YIPF7: variants seen among roughly 807,000 people sequenced by gnomAD.
YIPF7 encodes the protein protein YIPF7.
A neutral mutation model predicts 27.2 loss-of-function variants in YIPF7; 35 were observed. The ratio of observed to expected loss-of-function variants is 1.29; its 90% CI spans 0.98 to 1.70. The LOEUF is 1.70. Ranked by LOEUF, YIPF7 falls within the 40% of genes most tolerant of loss-of-function variation. The pLI is 0.00. For missense variants in YIPF7, 358 were observed against 303.7 expected (o/e 1.18, Z -1.33); for synonymous variants, 137 against 110.4 (o/e 1.24, Z -1.51).
At chr4:44,654,954 C>T (rs752490186), upstream of YIPF7, among the ~76,000 whole-genome samples, 18 of 152,026 alleles carry the variant, frequency 1.2e-4, no homozygotes, top group Non-Finnish European at 2.2e-4. Context: ...TGTAAAAATA[C>T]ACCTTTAATG....
chr4:44,649,926 T>C, intron 2 of YIPF7, 59 bp downstream of exon 2: 3 of 886,244 alleles, frequency 3.4e-6, no homozygotes, highest in Non-Finnish European at 3.5e-6. Context: ...TTTTACAATA[T>C]GTGGGTGACA....
intron 2 of YIPF7, among the ~76,000 whole-genome samples, chr4:44,647,434 C>G (rs1306347091): frequency 2.6e-5 from 4 of 152,174 alleles, no homozygotes; most frequent in Admixed American, 2.6e-4. Context: ...AGAAAAGAAA[C>G]AGAAGGTTTA....
In YIPF7 at chr4:44,649,994, C is replaced by T. The variant is rs764744886; in HGVS notation, c.107G>A (p.Gly36Glu). The T allele has an allele frequency of 6.6e-7, 1 of 1,516,710 alleles. No individual in the cohort carries two copies. Among genetic ancestry groups the T allele is most frequent in the Non-Finnish European group, 9.0e-7 (1 of 1,114,746 alleles). The allele number at this position is 1,516,710 out of a possible 1,614,324, so 94.0% of individuals were successfully genotyped here. ...NDSNAYGNLY[G>E]SRKQQAGEQP... ...AATATTAAGTACTTACTTTCTAGAT[C>T]CATAAAGATTTCCATAGGCATTAGA... The change falls in exon 2 of 6, where the codon GGA (glycine) becomes GAA (glutamate). Residue 36 changes from glycine (G) to glutamate (E), a missense_variant. Gly to Glu is a moderately conservative substitution (Grantham distance 98). Coordinates refer to ENST00000415895, the MANE Select transcript of YIPF7 (RefSeq NM_182592.3).
upstream of YIPF7, among the ~76,000 whole-genome samples, chr4:44,656,021 CT>C (rs375309309): frequency 3.3e-5 from 5 of 151,378 alleles, no homozygotes; most frequent in South Asian, 2.1e-4. Flanking sequence ...TGAATTTCCA[CT>C]TTTTTTTTCC....
chr4:44,650,368 T>C (rs1713686293), intron 1 of YIPF7, among the ~76,000 whole-genome samples: 1 of 152,226 alleles, frequency 6.6e-6, no homozygotes, highest in African/African-American at 2.4e-5. Flanking sequence ...TTAATTCATC[T>C]GAAAGAACTA....
At chr4:44,641,288 C>T (rs1275118419) in intron 2 of YIPF7, among the ~76,000 whole-genome samples, 1 of 152,034 alleles carries the variant, frequency 6.6e-6, no homozygotes, top group South Asian at 2.1e-4. Context: ...TGTCTACACA[C>T]CATTTTGCTT....
intron 2 of YIPF7, among the ~76,000 whole-genome samples, chr4:44,641,171 C>T (rs982095300): frequency 6.6e-6 from 1 of 152,070 alleles, no homozygotes; most frequent in South Asian, 2.1e-4. Context: ...CTGGTCTTGG[C>T]CATGTATGCT....
chr4:44,624,099 CTT>C (rs1417074778), intron 5 of YIPF7, among the ~76,000 whole-genome samples: 1 of 139,520 alleles, frequency 7.2e-6, no homozygotes, highest in East Asian at 2.1e-4. Context: ...GAGTTTCACT[CTT>C]GTTGCCCAGG....
intron 3 of YIPF7, among the ~76,000 whole-genome samples, chr4:44,633,615 A>C (rs971090014): frequency 6.6e-6 from 1 of 152,184 alleles, no homozygotes; most frequent in Non-Finnish European, 1.5e-5. Context: ...GAACAATTGG[A>C]AAGAAATGTT....
In YIPF7 at chr4:44,627,617, T is replaced by C. The variant is rs556759407; in HGVS notation, c.426+1786A>G. On this transcript the variant is annotated intron_variant, in intron 4 of 5. Coordinates refer to ENST00000415895, the MANE Select transcript of YIPF7 (RefSeq NM_182592.3). Reference sequence around the variant, plus strand: ...GAGTCCTTTTTGCTTTATATCAGAATCAATTTGGAAGTTATCACATCTAAT... The same window carrying C: ...GAGTCCTTTTTGCTTTATATCAGAACCAATTTGGAAGTTATCACATCTAAT... 5.3e-5 allele frequency among the ~76,000 whole-genome samples: 8 copies of C among 152,318 alleles called. No individual in the cohort carries two copies. In the East Asian group the frequency reaches 1.5e-3, roughly 29 times the overall value.
In YIPF7 at chr4:44,622,337, C is replaced by T. The variant is rs1712469262; in HGVS notation, c.*77G>A. On this transcript the variant is annotated 3_prime_UTR_variant, in exon 6 of 6. Coordinates refer to ENST00000415895, the MANE Select transcript of YIPF7 (RefSeq NM_182592.3). ...AAGCAATAAAACAGAAATCATATCA[C>T]CAAATTTGAATGTTAATATATTTCC... 52 of 1,482,448 alleles carry T rather than the reference C, an allele frequency of 3.5e-5. 1 individual carries two copies. The South Asian group carries it at 3.5e-4, about 10-fold the overall frequency. The allele number at this position is 1,482,448 out of a possible 1,614,324, so 91.8% of individuals were successfully genotyped here.
intron 3 of YIPF7, among the ~76,000 whole-genome samples, chr4:44,632,900 C>T (rs1712964804): frequency 2.0e-5 from 3 of 152,212 alleles, no homozygotes; most frequent in Middle Eastern, 3.4e-3. Flanking sequence ...ATCCCCGGGC[C>T]GTGGACCCAT....
chr4:44,625,662 T>C (rs1259462361), intron 4 of YIPF7, among the ~76,000 whole-genome samples: 1 of 152,156 alleles, frequency 6.6e-6, no homozygotes, highest in Non-Finnish European at 1.5e-5. Context: ...GGAAAACTCA[T>C]AAAAACAGCC....
chr4:44,658,155 A>G (rs1161738624), intron 2 of YIPF7, among the ~76,000 whole-genome samples: 1 of 152,124 alleles, frequency 6.6e-6, no homozygotes, highest in Non-Finnish European at 1.5e-5. Context: ...ATCTAACCCA[A>G]TGTGATGGTA....
intron 3 of YIPF7, among the ~76,000 whole-genome samples, chr4:44,632,575 GAAAT>G (rs958399603): frequency 9.2e-5 from 14 of 152,230 alleles, no homozygotes; most frequent in Admixed American, 9.2e-4. Context: ...AAATATTTAA[GAAAT>G]AAAGTAGGAC....
chr4:44,651,325 A>T (rs1331093750), intron 1 of YIPF7, among the ~76,000 whole-genome samples: 1 of 152,202 alleles, frequency 6.6e-6, no homozygotes, highest in African/African-American at 2.4e-5. Context: ...CTTAGTGATA[A>T]ATCTTTTAAC....
Position 44,639,426 on chromosome 4 carries a change from T to C in YIPF7, c.117-3341A>G, listed in dbSNP as rs1335348396. Among the ~76,000 whole-genome samples the C allele has an allele frequency of 2.6e-5, 4 of 152,178 alleles. No homozygotes were observed. In the East Asian group the frequency reaches 7.7e-4, roughly 29 times the overall value. ...CTTTCACCTCCTTGGCTAATAAATG[T>C]ATTCCTAAATTTTGCTTGTAATTAT... is the stretch of plus-strand genomic sequence containing the variant. On this transcript the variant is annotated intron_variant, in intron 2 of 5. Transcript: ENST00000415895.
intron 2 of YIPF7, among the ~76,000 whole-genome samples, chr4:44,647,028 G>A (rs891117423): frequency 2.6e-5 from 4 of 152,016 alleles, no homozygotes; most frequent in Non-Finnish European, 5.9e-5. Flanking sequence ...CATGTTTTAC[G>A]TACCTCATAA....
intron 2 of YIPF7, among the ~76,000 whole-genome samples, chr4:44,645,774 C>T (rs1411464246): frequency 6.6e-6 from 1 of 152,090 alleles, no homozygotes; most frequent in African/African-American, 2.4e-5. Flanking sequence ...TCACTTCAAA[C>T]TACCGAGAAG....
Sources: allele counts gnomAD v4.1 joint callset (sites outside exome capture counted in the v4.1 genomes callset), GRCh38; gene constraint gnomAD v4.1.1; transcripts MANE v1.5; gene names NCBI Gene and HGNC (gene_info 2026-07-23, HGNC 2026-07-21).